Variants in FRMPD4 observed in about 807,000 individuals in gnomAD.
The protein encoded by FRMPD4 is FERM and PDZ domain-containing protein 4.
FRMPD4 carries 22 observed loss-of-function variants against 94.1 expected under a neutral mutation model. The ratio of observed to expected loss-of-function variants is 0.23; its 90% CI spans 0.17 to 0.33. FRMPD4 has a LOEUF of 0.33. Ranked by LOEUF, FRMPD4 falls within the 10% of genes least tolerant of loss-of-function variation. The pLI, the probability that FRMPD4 is intolerant of heterozygous loss-of-function variation, is 1.00. For synonymous variants in FRMPD4, 631 were observed against 548.6 expected (o/e 1.15, Z -2.10); for missense variants, 1,111 against 1,339.9 (o/e 0.83, Z 2.67).
At chrX:12,341,560 G>A in intron 1 of FRMPD4, 1 of 316,844 alleles carries the variant, frequency 3.2e-6, no homozygotes. Flanking sequence ...TGTTTTATGA[G>A]ACAGGCATTA....
At chrX:12,146,642 C>T (rs1458090782) in intron 1 of FRMPD4, among the ~76,000 whole-genome samples, 1 of 112,459 alleles carries the variant, frequency 8.9e-6, no homozygotes, top group Non-Finnish European at 1.9e-5. Context: ...TTTTATATTT[C>T]AGCTTTTAAT....
At chrX:12,478,867 G>A (rs775253248) in intron 1 of FRMPD4, among the ~76,000 whole-genome samples, 2 of 111,483 alleles carry the variant, frequency 1.8e-5, no homozygotes, top group East Asian at 2.8e-4. Flanking sequence ...TCTTTAAAAG[G>A]TGTAGACTGA....
chrX:11,932,129 C>T (rs1007508513), intron 3 of FRMPD4, among the ~76,000 whole-genome samples: 1 of 111,713 alleles, frequency 9.0e-6, no homozygotes, highest in African/African-American at 3.3e-5. Context: ...CATTGTTTGT[C>T]CACTCCCTTG....
intron 3 of FRMPD4, among the ~76,000 whole-genome samples, chrX:12,019,553 T>C (rs376591970): frequency 9.0e-6 from 1 of 111,086 alleles, no homozygotes; most frequent in East Asian, 2.8e-4. Flanking sequence ...AATGCCAAAC[T>C]CCTCAATAGA....
chrX:12,564,592 T>G (rs1349140140), intron 2 of FRMPD4, among the ~76,000 whole-genome samples: 2 of 112,079 alleles, frequency 1.8e-5, no homozygotes, highest in Non-Finnish European at 3.8e-5. Context: ...AACAGGTACT[T>G]AGTATAATAA....
intron 1 of FRMPD4, among the ~76,000 whole-genome samples, chrX:12,244,730 G>A (rs761968354): frequency 1.3e-4 from 15 of 112,663 alleles, no homozygotes; most frequent in Admixed American, 1.2e-3. Flanking sequence ...CTGCTTCCAG[G>A]GCTCCGAAGG....
At chrX:12,429,623 GTTTTT>G (rs2056989789) in intron 1 of FRMPD4, among the ~76,000 whole-genome samples, 1 of 111,951 alleles carries the variant, frequency 8.9e-6, no homozygotes, top group African/African-American at 3.3e-5. Flanking sequence ...TCTTATTATT[GTTTTT>G]ACATAGTTTT....
At chrX:12,715,998 G>GCCGGGGGGCCCCCCCCCCCCCC in intron 14 of FRMPD4, 71 bp from the exon 15 acceptor site, 1 of 383,858 alleles carries the variant, frequency 2.6e-6, no homozygotes, top group Non-Finnish European at 4.7e-6. Flanking sequence ...ACAGAGACGA[G>GCCGGGGGGCCCCCCCCCCCCCC]CCTCCCACCC....
chrX:12,491,333 G>A (rs1055643298), intron 1 of FRMPD4, among the ~76,000 whole-genome samples: 1 of 112,323 alleles, frequency 8.9e-6, no homozygotes, highest in African/African-American at 3.2e-5. Flanking sequence ...TTTAACCACA[G>A]TGTACCCATT....
rs772783632 is a variant in FRMPD4 at position 12,030,821 on chromosome X, A to G, written c.95+152803A>G. ...AATAAAGGCTATGTTTTTGTGGTAGACATTTCCCTCTTGAGCTGAGTATCT... is the reference window on the plus strand; with the variant it reads ...AATAAAGGCTATGTTTTTGTGGTAGGCATTTCCCTCTTGAGCTGAGTATCT... On this transcript the variant is annotated intron_variant, in intron 3 of 18. Transcript: ENST00000640291. Among the ~76,000 whole-genome samples the G allele has an allele frequency of 1.2e-4, 13 of 112,220 alleles. 1 individual carries two copies. The highest frequency in any genetic ancestry group is 1.9e-5 in the Non-Finnish European group (1 of 53,198).
In FRMPD4 at chrX:12,463,709, T is replaced by TC. The variant is rs1286933045; in HGVS notation, c.42-34971_42-34970insC. ...TTTTTTTTGTTTTTGTTTTTTTTTT[T>TC]TAACAGAGCATGAAATAAGGGTGTG... On this transcript the variant is annotated intron_variant, in intron 1 of 16. Coordinates refer to ENST00000675598, the MANE Select transcript of FRMPD4 (RefSeq NM_001368397.1). Among the ~76,000 whole-genome samples, 94 of 101,168 alleles carry TC rather than the reference T, an allele frequency of 9.3e-4. 5 individuals are homozygous for TC. The highest frequency in any genetic ancestry group is 1.5e-3 in the Non-Finnish European group (76 of 49,972). The allele number at this position is 101,168 out of a possible 115,157, so 87.9% of individuals were successfully genotyped here.
At chrX:12,161,785 TG>T (rs1463589252) in intron 1 of FRMPD4, among the ~76,000 whole-genome samples, 4 of 112,163 alleles carry the variant, frequency 3.6e-5, no homozygotes, top group Admixed American at 9.5e-5. Context: ...TAATTTGTTT[TG>T]TTTTTTTATA....
chrX:12,216,321 A>G (rs186933134), intron 1 of FRMPD4, among the ~76,000 whole-genome samples: 1 of 111,674 alleles, frequency 9.0e-6, no homozygotes, highest in East Asian at 2.8e-4. Flanking sequence ...GCCTAGTAGC[A>G]TCCAGACTTC....
chrX:12,404,866 T>C (rs2056649505), intron 1 of FRMPD4, among the ~76,000 whole-genome samples: 1 of 111,834 alleles, frequency 8.9e-6, no homozygotes, highest in African/African-American at 3.2e-5. Context: ...TTATAACTAC[T>C]TGATGCTGCC....
intron 14 of FRMPD4, 59 bp from the exon 15 acceptor site, chrX:12,716,010 C>CCCCCCCCCCA: frequency 1.2e-5 from 4 of 336,935 alleles, no homozygotes; most frequent in Non-Finnish European, 1.1e-5. Flanking sequence ...CTCCCACCCC[C>CCCCCCCCCCA]GCCCCACCCA....
At chrX:12,392,323 G>T (rs1475005054) in intron 1 of FRMPD4, among the ~76,000 whole-genome samples, 3 of 103,852 alleles carry the variant, frequency 2.9e-5, no homozygotes, top group African/African-American at 1.0e-4. Context: ...TTACTGGCGT[G>T]AGCCACCGCA....
intron 1 of FRMPD4, among the ~76,000 whole-genome samples, chrX:12,411,539 A>G (rs919201113): frequency 3.6e-5 from 4 of 112,514 alleles, no homozygotes; most frequent in African/African-American, 1.3e-4. Context: ...AATAGCAATG[A>G]GTACATTGTT....
At chrX:12,670,289 CAAATA>C (rs2059826453) in intron 4 of FRMPD4, among the ~76,000 whole-genome samples, 2 of 111,745 alleles carry the variant, frequency 1.8e-5, no homozygotes, top group Admixed American at 9.5e-5. Flanking sequence ...TGTTTGGACT[CAAATA>C]ATATGATCTA....
chrX:11,980,962 A>G lies in FRMPD4; in HGVS notation c.95+102944A>G, dbSNP rs143909989. ...GCCCCTGGGCCATTGTAGTTTTTGTAAAGCTTGGTTAGAAATCAGCCACAC... is the reference window on the plus strand; with the variant it reads ...GCCCCTGGGCCATTGTAGTTTTTGTGAAGCTTGGTTAGAAATCAGCCACAC... On this transcript the variant is annotated intron_variant, in intron 3 of 18. Coordinates refer to the FRMPD4 transcript ENST00000640291. Among the ~76,000 whole-genome samples, 110 of 111,629 alleles carry G rather than the reference A, an allele frequency of 9.9e-4. No homozygotes were observed. In the East Asian group the frequency reaches 0.027, roughly 27 times the overall value.
Sources: allele counts gnomAD v4.1 joint callset (sites outside exome capture counted in the v4.1 genomes callset), GRCh38; gene constraint gnomAD v4.1.1; transcripts MANE v1.5; gene names NCBI Gene and HGNC (gene_info 2026-07-23, HGNC 2026-07-21).